ZNF112: variants seen among roughly 807,000 people sequenced by gnomAD.
ZNF112 encodes zinc finger protein 112 (Y14).
Under a neutral mutation model 77.7 loss-of-function variants are expected in ZNF112, and 37 were observed. The ratio of observed to expected loss-of-function variants is 0.48; its 90% CI spans 0.37 to 0.63. The LOEUF is 0.63. Ranked by LOEUF, ZNF112 falls within the 20% of genes least tolerant of loss-of-function variation. The pLI is 0.00. For missense variants in ZNF112, 950 were observed against 1,077.4 expected, an observed-to-expected ratio of 0.88 and a Z score of 1.66; for synonymous variants, 333 against 363.6, an observed-to-expected ratio of 0.92 and a Z score of 0.96.
At chr19:44,363,970 C>T (rs1970879047) in intron 1 of ZNF112, among the ~76,000 whole-genome samples, 2 of 152,130 alleles carry the variant, frequency 1.3e-5, no homozygotes. Flanking sequence ...AGTGCGGTGG[C>T]ATGATCTTGG....
At chr19:44,360,505 T>C (rs1339442971), upstream of ZNF112, among the ~76,000 whole-genome samples, 1 of 152,112 alleles carries the variant, frequency 6.6e-6, no homozygotes, top group Non-Finnish European at 1.5e-5. Context: ...TTGAAAACAT[T>C]TCCTCTATGA....
intron 1 of ZNF112, among the ~76,000 whole-genome samples, chr19:44,351,985 C>G (rs1417768346): frequency 6.6e-6 from 1 of 151,952 alleles, no homozygotes. Context: ...AAAAATCACT[C>G]AAAATTCTAC....
rs757106079 is a variant in ZNF112 at position 44,329,914 on chromosome 19, C to T, written c.243G>A (p.Met81Ile). Residue 81 changes from methionine (M) to isoleucine (I), a missense_variant, in exon 4 of 4, where the codon ATG (methionine) becomes ATA (isoleucine). Transcript: ENST00000354340. ...TTACTGTTACTTCCTGAATACTCTC[C>T]ATCTTTTGTTGATTCTTCCTTCCTA... ...GCSGRKNQQK[M>I]ESIQEVTVSY... The T allele has an allele frequency of 3.1e-6, 5 of 1,611,582 alleles. No individual in the cohort carries two copies. Among genetic ancestry groups the T allele is most frequent in the Non-Finnish European group, 1.7e-6 (2 of 1,178,492 alleles).
chr19:44,328,265 A>T lies in ZNF112; in HGVS notation c.1892T>A (p.Phe631Tyr), dbSNP rs878955324. 6.2e-7 allele frequency: 1 copy of T among 1,600,140 alleles called. No individual in the cohort carries two copies. Among genetic ancestry groups the T allele is most frequent in the Non-Finnish European group, 8.5e-7 (1 of 1,174,844 alleles). The change falls in exon 4 of 4, where the codon TTC becomes TAC. Residue 631 changes from phenylalanine (F) to tyrosine (Y), a missense_variant. Phe to Tyr is a conservative substitution (Grantham distance 22). Coordinates refer to ENST00000354340, the MANE Select transcript of ZNF112 (RefSeq NM_013380.4). ...HQRVHTGEKP[F>Y]KCEECGKGFS... is the part of the protein sequence containing the mutation. ...CCCCTTCCCACATTCCTCACATTTGAATGGTTTTTCTCCAGTGTGGACTCT... is the reference window on the plus strand; with the variant it reads ...CCCCTTCCCACATTCCTCACATTTGTATGGTTTTTCTCCAGTGTGGACTCT...
upstream of ZNF112, among the ~76,000 whole-genome samples, chr19:44,357,905 A>C (rs1970810965): frequency 6.6e-6 from 1 of 152,164 alleles, no homozygotes; most frequent in Non-Finnish European, 1.5e-5. Flanking sequence ...AAATAAAAAG[A>C]CATAACGACC....
intron 3 of ZNF112, among the ~76,000 whole-genome samples, chr19:44,333,398 A>T (rs1446427301): frequency 6.6e-6 from 1 of 152,178 alleles, no homozygotes; most frequent in Non-Finnish European, 1.5e-5. Context: ...CAATGTTTTG[A>T]TCACAAATAT....
At chr19:44,339,229 T>A (rs1568667238) in intron 2 of ZNF112, among the ~76,000 whole-genome samples, 3 of 152,124 alleles carry the variant, frequency 2.0e-5, no homozygotes. Flanking sequence ...TAAAGAGAGA[T>A]CTGGATTTTG....
chr19:44,351,743 C>G (rs10405268), intron 1 of ZNF112, among the ~76,000 whole-genome samples: 5,215 of 151,932 alleles, frequency 0.034, 246 homozygotes, highest in African/African-American at 0.1. Flanking sequence ...AACCCACAGG[C>G]GGTTCTTTGC....
rs1330500346 is a variant in ZNF112, at chr19:44,328,544, T to A, written c.1613A>T (p.Gln538Leu). Reference sequence around the variant, plus strand: ...AGGTTTCTCTCCTGTGTGGACTCTCTGATGAACATTCAGAACTGATCTATG... The same window carrying A: ...AGGTTTCTCTCCTGTGTGGACTCTCAGATGAACATTCAGAACTGATCTATG... Reference protein sequence around the residue: ...FNHRSVLNVHQRVHTGEKPYK... With the variant: ...FNHRSVLNVHLRVHTGEKPYK... Residue 538 changes from glutamine to leucine, a missense_variant, in exon 4 of 4, where the codon CAG becomes CTG. Coordinates refer to ENST00000354340, the MANE Select transcript of ZNF112 (RefSeq NM_013380.4). The A allele has an allele frequency of 1.2e-6, 2 of 1,604,574 alleles. No homozygotes were observed. The highest frequency in any genetic ancestry group is 2.7e-5 in the African/African-American group (2 of 74,414).
intron 1 of ZNF112, among the ~76,000 whole-genome samples, chr19:44,351,251 C>T (rs1357907385): frequency 6.6e-6 from 1 of 152,076 alleles, no homozygotes; most frequent in Non-Finnish European, 1.5e-5. Flanking sequence ...ATAATCTACA[C>T]ATCTTAAACT....
rs142850590 is a variant in ZNF112, at chr19:44,354,668, C to G, written c.-4+1958G>C. On this transcript the variant is annotated intron_variant, in intron 1 of 3. Coordinates refer to ENST00000354340, the MANE Select transcript of ZNF112 (RefSeq NM_013380.4). The stretch of plus-strand genomic sequence containing the variant: ...GCCAGCTGTCTGTTGAGTAGCTACT[C>G]TAACCATAAACCCTTAACAACCTTG... 7.2e-4 allele frequency among the ~76,000 whole-genome samples: 110 copies of G among 152,286 alleles called. 4 individuals carry two copies. In the East Asian group the frequency reaches 0.018, roughly 25 times the overall value.
At chr19:44,365,584 T>C (rs1257085217) in intron 1 of ZNF112, among the ~76,000 whole-genome samples, 4 of 152,136 alleles carry the variant, frequency 2.6e-5, no homozygotes, top group Non-Finnish European at 5.9e-5. Context: ...CTTTGGTAGT[T>C]TGTGCCTTTC....
intron 1 of ZNF112, among the ~76,000 whole-genome samples, chr19:44,351,218 T>A (rs552400642): frequency 6.6e-6 from 1 of 152,050 alleles, no homozygotes; most frequent in Non-Finnish European, 1.5e-5. Flanking sequence ...GTAATTACAC[T>A]GGGCCCAACC....
chr19:44,350,936 T>G (rs1158560511), intron 1 of ZNF112, among the ~76,000 whole-genome samples: 1 of 152,146 alleles, frequency 6.6e-6, no homozygotes, highest in African/African-American at 2.4e-5. Context: ...GCTGCTATAA[T>G]AAATTACCAC....
Position 44,327,177 on chromosome 19 carries a change from T to C in ZNF112, c.*256A>G, listed in dbSNP as rs187752387. On this transcript the variant is annotated 3_prime_UTR_variant, in exon 4 of 4. Coordinates refer to ENST00000354340, the MANE Select transcript of ZNF112 (RefSeq NM_013380.4). ...ATTCTAGAGAACATGGATTTAGGCA[T>C]GCTCATCACTGTACTTTTATTAAAT... The C allele has an allele frequency of 1.6e-4, 56 of 356,058 alleles. 1 individual carries two copies. The highest frequency in any genetic ancestry group is 9.7e-4 in the African/African-American group (47 of 48,544). 22.1% of individuals were successfully genotyped at this position (356,058 alleles called of 1,614,324 possible).
chr19:44,336,769 T>C, intron 2 of ZNF112, 51 bp from the exon 3 acceptor site: 2 of 1,499,204 alleles, frequency 1.3e-6, no homozygotes, highest in East Asian at 2.3e-5. Flanking sequence ...TGACATTCAA[T>C]TGGTCAAAAC....
Position 44,328,423 on chromosome 19 carries a change from C to T in ZNF112, c.1734G>A (p.Glu578=), listed in dbSNP as rs1043069542. 6.2e-7 allele frequency: 1 copy of T among 1,614,060 alleles called. No individual in the cohort carries two copies. The highest frequency in any genetic ancestry group is 8.5e-7 in the Non-Finnish European group (1 of 1,179,992). The change falls in exon 4 of 4, where the codon GAG becomes GAA. Residue 578 remains glutamate (E), a synonymous_variant. Coordinates refer to ENST00000354340, the MANE Select transcript of ZNF112 (RefSeq NM_013380.4). ...VHTGEKPYKC[E]ECGKGFSRNS... The stretch of plus-strand genomic sequence containing the variant: ...TTCGACTGAACCCCTTCCCACATTC[C>T]TCACATTTATAAGGTTTTTCTCCAG...
chr19:44,337,414 A>ATTATATATATTATATATATAAAATATAT (rs1455625918), intron 2 of ZNF112, among the ~76,000 whole-genome samples: 1 of 27,550 alleles, frequency 3.6e-5, no homozygotes, highest in African/African-American at 1.2e-4. Flanking sequence ...TTTTATATAT[A>ATTATATATATTATATATATAAAATATAT]ATAATATATA....
rs566931614 is a variant in ZNF112, at chr19:44,338,366, A to C, written c.125-1648T>G. On this transcript the variant is annotated intron_variant, in intron 2 of 3. Transcript: ENST00000354340. ...AAGGCAAGATCATCAGCAGGTGCTT[A>C]ATCTACAGGAAAATACTTGTGTTAC... Among the ~76,000 whole-genome samples the C allele has an allele frequency of 6.6e-5, 10 of 152,328 alleles. No individual in the cohort carries two copies. The South Asian group carries it at 2.1e-3, about 32-fold the overall frequency.
Sources: gnomAD v4.1 joint callset for allele counts (sites outside exome capture counted in the v4.1 genomes callset) on GRCh38, gnomAD v4.1.1 for gene constraint, MANE v1.5 for transcripts, NCBI Gene and HGNC (gene_info 2026-07-23, HGNC 2026-07-21) for gene names.